Variants in HEMK2 observed in about 807,000 individuals in gnomAD.
HEMK2 encodes methyltransferase HEMK2.
At chr21:28,883,206 AT>A in the HEMK2 span, 1 of 502,212 alleles carries the variant, frequency 2.0e-6, no homozygotes, top group Non-Finnish European at 3.3e-6. Context: ...GAAAATAGAA[AT>A]TTATAATTTC....
At chr21:28,847,777 A>G in the HEMK2 span, among the ~76,000 whole-genome samples, 2 of 152,174 alleles carry the variant, frequency 1.3e-5, no homozygotes, top group African/African-American at 4.8e-5. Context: ...TCTTTAATCC[A>G]CCTTGACTTG....
At chr21:28,869,782 T>C in the HEMK2 span, among the ~76,000 whole-genome samples, 4 of 152,228 alleles carry the variant, frequency 2.6e-5, no homozygotes, top group Admixed American at 6.5e-5. Context: ...GCATAAGCAA[T>C]AAATTTTTAG....
At chr21:28,627,018 A>G in the HEMK2 span, among the ~76,000 whole-genome samples, 2 of 152,234 alleles carry the variant, frequency 1.3e-5, no homozygotes, top group African/African-American at 2.4e-5. Context: ...GAATATGCCA[A>G]TTGTGGCATA....
chr21:28,784,424 A>C, the HEMK2 span, among the ~76,000 whole-genome samples: 2 of 148,696 alleles, frequency 1.3e-5, no homozygotes, highest in Non-Finnish European at 3.0e-5. Flanking sequence ...GTGTCTAGCT[A>C]ATCTAGTGGG....
the HEMK2 span, among the ~76,000 whole-genome samples, chr21:28,647,654 T>G: frequency 6.6e-6 from 1 of 152,274 alleles, no homozygotes; most frequent in East Asian, 1.9e-4. Flanking sequence ...ACGCATTGCC[T>G]GTAAGAATTC....
the HEMK2 span, among the ~76,000 whole-genome samples, chr21:28,846,135 T>C: frequency 2.6e-5 from 4 of 152,212 alleles, no homozygotes; most frequent in African/African-American, 7.2e-5. Context: ...TCTTATTCTT[T>C]TTTATGGCCG....
At chr21:28,608,000 T>C in the HEMK2 span, among the ~76,000 whole-genome samples, 1 of 152,182 alleles carries the variant, frequency 6.6e-6, no homozygotes, top group Non-Finnish European at 1.5e-5. Context: ...CCCCATGTTT[T>C]CCATCCGAAA....
chr21:28,807,603 T>C, the HEMK2 span, among the ~76,000 whole-genome samples: 1 of 152,198 alleles, frequency 6.6e-6, no homozygotes, highest in Admixed American at 6.5e-5. Flanking sequence ...GTGCAGGTCA[T>C]CCCTGATAAG....
At chr21:28,879,587 C>T in the HEMK2 span, among the ~76,000 whole-genome samples, 4 of 152,144 alleles carry the variant, frequency 2.6e-5, no homozygotes, top group South Asian at 4.1e-4. Flanking sequence ...ATAAAGGATA[C>T]ATGTAATATA....
At chr21:28,639,904 C>A in the HEMK2 span, among the ~76,000 whole-genome samples, 1 of 152,018 alleles carries the variant, frequency 6.6e-6, no homozygotes, top group Non-Finnish European at 1.5e-5. Context: ...AGGAGCAAAG[C>A]CAGATTGAAC....
At chr21:28,669,646 T>C in the HEMK2 span, among the ~76,000 whole-genome samples, 5 of 152,170 alleles carry the variant, frequency 3.3e-5, no homozygotes, top group African/African-American at 1.2e-4. Context: ...GAGTTACACA[T>C]TGACCAGCCT....
chr21:28,750,700 C>CAAAA, the HEMK2 span, among the ~76,000 whole-genome samples: 25 of 80,306 alleles, frequency 3.1e-4, no homozygotes, highest in African/African-American at 6.0e-4. Context: ...GGCTCCATCT[C>CAAAA]AAAAAAAAAA....
chr21:28,774,609 T>C, the HEMK2 span, among the ~76,000 whole-genome samples: 1 of 151,892 alleles, frequency 6.6e-6, no homozygotes, highest in Non-Finnish European at 1.5e-5. Context: ...AAAAAAGAAA[T>C]GCCCATATAC....
At chr21:28,721,407 G>A in the HEMK2 span, among the ~76,000 whole-genome samples, 1 of 152,024 alleles carries the variant, frequency 6.6e-6, no homozygotes, top group South Asian at 2.1e-4. Context: ...GAGCCACCAC[G>A]CCCAGCATGA....
the HEMK2 span, among the ~76,000 whole-genome samples, chr21:28,684,429 T>A: frequency 6.6e-6 from 1 of 152,252 alleles, no homozygotes; most frequent in South Asian, 2.1e-4. Context: ...TGAAATTCAC[T>A]TTTATAATCC....
chr21:28,677,588 C>G, the HEMK2 span, among the ~76,000 whole-genome samples: 1 of 152,240 alleles, frequency 6.6e-6, no homozygotes, highest in Non-Finnish European at 1.5e-5. Flanking sequence ...TGAGAACGGA[C>G]AGACTGCCTC....
chr21:28,868,091 T>C, the HEMK2 span, among the ~76,000 whole-genome samples: 1 of 152,198 alleles, frequency 6.6e-6, no homozygotes, highest in African/African-American at 2.4e-5. Flanking sequence ...TACATGTTTC[T>C]TTATGGACTT....
chr21:28,680,358 T>C, the HEMK2 span, among the ~76,000 whole-genome samples: 1 of 152,158 alleles, frequency 6.6e-6, no homozygotes, highest in Non-Finnish European at 1.5e-5. Flanking sequence ...CAGGAAGAAG[T>C]GGAATCGCTG....
chr21:28,845,465 A>G, the HEMK2 span, among the ~76,000 whole-genome samples: 1 of 152,106 alleles, frequency 6.6e-6, no homozygotes, highest in South Asian at 2.1e-4. Flanking sequence ...ATACCTCCAA[A>G]GAATGCCAAT....
Sources: gnomAD v4.1 joint callset for allele counts (sites outside exome capture counted in the v4.1 genomes callset) on GRCh38, gnomAD v4.1.1 for gene constraint, MANE v1.5 for transcripts, NCBI Gene and HGNC (gene_info 2026-07-23, HGNC 2026-07-21) for gene names.